Variants in PFKM observed in about 807,000 individuals in gnomAD.
PFKM encodes phosphofructokinase, muscle, also known as ATP-dependent 6-phosphofructokinase, muscle type.
In PFKM, 58 loss-of-function variants were observed where a neutral mutation model predicts 95.5. That is an observed-to-expected ratio of 0.61 (90% CI 0.49 to 0.76). PFKM has a LOEUF of 0.76. Ranked by LOEUF, PFKM falls within the 30% of genes least tolerant of loss-of-function variation. The probability of loss-of-function intolerance (pLI) is 0.00; values close to 1 mark genes in which losing one functional copy is unlikely to be tolerated. For missense variants in PFKM, 678 were observed against 1,005.4 expected (o/e 0.67, Z 4.40); for synonymous variants, 336 against 357.2 (o/e 0.94, Z 0.67).
chr12:48,127,975 C>T (rs1034426992), intron 2 of PFKM, among the ~76,000 whole-genome samples: 2 of 152,224 alleles, frequency 1.3e-5, no homozygotes, highest in Admixed American at 6.5e-5. Context: ...TCTCATGGCA[C>T]ATAGGTGCCT....
chr12:48,145,412 TA>T lies in PFKM; in HGVS notation c.2198+99del. The stretch of plus-strand genomic sequence containing the variant: ...ACTGTCTTTAATTCTTTTTTTTTTT[TA>T]AGGAGTAACACCTGTATTCTTACCC... On this transcript the variant is annotated intron_variant, in intron 22 of 22. Transcript: ENST00000359794. This position sits in a 1 kb window ranked among gnomAD's most constrained non-coding sequence, Gnocchi z 4.3. The T allele has an allele frequency of 7.9e-7, 1 of 1,263,280 alleles. No homozygotes were observed. The highest frequency in any genetic ancestry group is 1.1e-6 in the Non-Finnish European group (1 of 875,322). 78.3% of individuals were successfully genotyped at this position (1,263,280 alleles called of 1,614,324 possible).
rs767919774 is a variant in PFKM, at chr12:48,132,963, C to T, written c.333C>T (p.Thr111=). ...ACAACCTGGTGAAGCGTGGGATCAC[C>T]AATCTCTGTGTCATTGGGGGTGATG... The part of the protein sequence containing the change: ...AAYNLVKRGI[T]NLCVIGGDGS... Residue 111 remains threonine, a synonymous_variant, in exon 5 of 23, where the codon ACC becomes ACT. Coordinates refer to ENST00000359794, the MANE Select transcript of PFKM (RefSeq NM_000289.6). 10 of 1,614,022 alleles carry T rather than the reference C, an allele frequency of 6.2e-6. No homozygotes were observed. The highest frequency in any genetic ancestry group is 1.6e-4 in the Middle Eastern group (1 of 6,084).
In PFKM at chr12:48,130,284, C is replaced by A. The variant is rs547673786; in HGVS notation, c.86-79C>A. 37 of 884,760 alleles carry A rather than the reference C, an allele frequency of 4.2e-5. No individual in the cohort carries two copies. The African/African-American group carries it at 5.6e-4, about 13-fold the overall frequency. The allele number at this position is 884,760 out of a possible 1,614,324, so 54.8% of individuals were successfully genotyped here. A position where few individuals can be genotyped will look rare whatever the true frequency, so the allele number is the denominator to read the frequency against. On this transcript the variant is annotated intron_variant, in intron 2 of 22. Coordinates refer to ENST00000359794, the MANE Select transcript of PFKM (RefSeq NM_000289.6). ...AAAGTACTGATTCGTTATCTTTAGC[C>A]AAATGTAATATCTCTGGATTCCAGG...
chr12:48,133,753 C>T (rs1229510134), intron 6 of PFKM, among the ~76,000 whole-genome samples: 30 of 152,166 alleles, frequency 2.0e-4, no homozygotes, highest in Non-Finnish European at 1.0e-4. Flanking sequence ...AATGGTTATT[C>T]TTCAGACTGG....
Position 48,139,865 on chromosome 12 carries a change from TG to T in PFKM, c.1147del (p.Glu383ArgfsTer6), listed in dbSNP as rs750852145. 6.2e-7 allele frequency: 1 copy of T among 1,612,034 alleles called. No individual in the cohort carries two copies. The highest frequency in any genetic ancestry group is 1.1e-5 in the South Asian group (1 of 91,022). ...TTCCTACAGGAGCTTCATGAACAAC[TG>T]GGAGGTGTACAAGCTTCTAGCTCAT... ...KLRGRSFMNNWEVYKLLAHVR... is the reference protein window; with the variant it reads ...KLRGRSFMNNXEVYKLLAHVR... On this transcript the variant is annotated frameshift_variant, in exon 13 of 23. Coordinates refer to ENST00000359794, the MANE Select transcript of PFKM (RefSeq NM_000289.6). LOFTEE classifies it high-confidence loss of function.
chr12:48,107,477 A>G (rs781616940), intron 2 of PFKM: 67 of 1,451,848 alleles, frequency 4.6e-5, no homozygotes, highest in African/African-American at 1.4e-4. Context: ...TCCTGATCAT[A>G]CTCCAGTGAC....
intron 15 of PFKM, 54 bp from the exon 16 acceptor site, chr12:48,141,686 C>A: frequency 7.5e-7 from 1 of 1,335,052 alleles, no homozygotes; most frequent in Non-Finnish European, 1.1e-6. Context: ...ATTTTCCTGT[C>A]TCTTCCCCAA....
Position 48,142,850 on chromosome 12 carries a change from T to C in PFKM, c.1722T>C (p.Gly574=). 1 of 1,614,104 alleles carries C rather than the reference T, an allele frequency of 6.2e-7. No individual in the cohort carries two copies. The highest frequency in any genetic ancestry group is 2.2e-5 in the East Asian group (1 of 44,864). The part of the protein sequence containing the change: ...KRRVFIIETM[G]GYCGYLATMA... ...GGGTGTTTATCATTGAGACTATGGG[T>C]GGCTACTGTGGCTACCTGGCTACCA... Residue 574 remains glycine (G), a synonymous_variant, in exon 18 of 23, where the codon GGT becomes GGC. Transcript: ENST00000359794.
At chr12:48,108,167 G>A (rs746803385) in exon 3 of PFKM, 101 of 1,598,574 alleles carry the variant, frequency 6.3e-5, no homozygotes, top group Non-Finnish European at 8.1e-5. Context: ...TCCAGACACC[G>A]TGGGAAGCAT....
chr12:48,139,767 A>G, intron 12 of PFKM, 82 bp from the exon 13 acceptor site: 5 of 958,316 alleles, frequency 5.2e-6, no homozygotes, highest in Non-Finnish European at 8.5e-6. Flanking sequence ...CTCTGGGAGC[A>G]ACACTTCAGA....
At chr12:48,115,116 C>G (rs527822022), upstream of PFKM, among the ~76,000 whole-genome samples, 2 of 152,082 alleles carry the variant, frequency 1.3e-5, no homozygotes, top group African/African-American at 4.8e-5. Flanking sequence ...CAAGGGAACA[C>G]GGGTGAATGA....
intron 12 of PFKM, 174 bp downstream of exon 12, chr12:48,139,523 T>A: frequency 1.5e-6 from 1 of 670,658 alleles, no homozygotes. Context: ...GAGGCTCAGT[T>A]CATCTCAGGG....
At chr12:48,141,577 T>C in intron 15 of PFKM, 163 bp from the exon 16 acceptor site, 1 of 768,658 alleles carries the variant, frequency 1.3e-6, no homozygotes, top group Non-Finnish European at 2.3e-6. Context: ...AGCTCCAGTA[T>C]GTATCCTTGG....
chr12:48,130,506 C>G (rs990113504), intron 3 of PFKM, 70 bp downstream of exon 3: 23 of 1,176,994 alleles, frequency 2.0e-5, no homozygotes, highest in Non-Finnish European at 2.8e-5. Context: ...TATCCCCTTC[C>G]CACATTCTGT....
At chr12:48,140,091 A>C (rs1478715287) in intron 13 of PFKM, among the ~76,000 whole-genome samples, 179 bp downstream of exon 13, 1 of 152,192 alleles carries the variant, frequency 6.6e-6, no homozygotes, top group Non-Finnish European at 1.5e-5. Context: ...CCCAGATACC[A>C]GAGCCCCCTT....
chr12:48,111,322 C>T (rs545720609), intron 3 of PFKM, among the ~76,000 whole-genome samples: 3 of 152,326 alleles, frequency 2.0e-5, no homozygotes, highest in Admixed American at 2.0e-4. Context: ...ATGCCCCCTG[C>T]TGCCCTTCTG....
Position 48,145,147 on chromosome 12 carries a change from C to G in PFKM, c.2092+17C>G. 1 of 1,609,296 alleles carries G rather than the reference C, an allele frequency of 6.2e-7. No individual in the cohort carries two copies. Among genetic ancestry groups the G allele is most frequent in the South Asian group, 1.1e-5 (1 of 90,984 alleles). Reference sequence around the variant, plus strand: ...ACCGTAATGGTAGGTGGGGTGAGAGCGAGTGCCCTCTATAGAGGCTGGTTC... The same window carrying G: ...ACCGTAATGGTAGGTGGGGTGAGAGGGAGTGCCCTCTATAGAGGCTGGTTC... On this transcript the variant is annotated intron_variant, in intron 21 of 22. Coordinates refer to ENST00000359794, the MANE Select transcript of PFKM (RefSeq NM_000289.6). The surrounding 1 kb of genome is among the most constrained non-coding windows in gnomAD (Gnocchi z 4.3).
intron 7 of PFKM, 63 bp from the exon 8 acceptor site, chr12:48,134,658 G>T: frequency 8.8e-7 from 1 of 1,134,782 alleles, no homozygotes; most frequent in Non-Finnish European, 1.3e-6. Context: ...GAACTTGTTG[G>T]GTATGGGTGA....
chr12:48,138,440 T>C (rs182041270), intron 11 of PFKM, among the ~76,000 whole-genome samples: 3 of 152,320 alleles, frequency 2.0e-5, no homozygotes, highest in African/African-American at 7.2e-5. Flanking sequence ...AGAACTAGGC[T>C]GTGTGGCCTG....
Sources: gnomAD v4.1 joint callset for allele counts (sites outside exome capture counted in the v4.1 genomes callset) on GRCh38, gnomAD v4.1.1 for gene constraint, Gnocchi (gnomAD v3.1) non-coding constraint, MANE v1.5 for transcripts, NCBI Gene and HGNC (gene_info 2026-07-23, HGNC 2026-07-21) for gene names.